The following NCAM2 variants were observed in gnomAD, a reference collection of about 807,000 sequenced individuals.
The protein encoded by NCAM2 is N-CAM-2.
NCAM2 carries 30 observed loss-of-function variants against 98.1 expected under a neutral mutation model. The ratio of observed to expected loss-of-function variants is 0.31; its 90% confidence interval spans 0.23 to 0.41. The LOEUF (loss-of-function observed/expected upper bound fraction) is 0.41. Among genes scored for constraint, NCAM2 ranks in the 10% least tolerant of loss-of-function variants. The pLI is 1.00. For synonymous variants in NCAM2, 368 were observed against 342.4 expected, an observed-to-expected ratio of 1.07 and a Z score of -0.83; for missense variants, 867 against 1,005.8, an observed-to-expected ratio of 0.86 and a Z score of 1.87.
At chr21:20,999,352 T>TAAAAA (rs573704807) in intron 1 of NCAM2, among the ~76,000 whole-genome samples, 29 of 146,192 alleles carry the variant, frequency 2.0e-4, no homozygotes, top group African/African-American at 5.5e-4. Context: ...TTTTATCTCT[T>TAAAAA]AAAAAAAAAA....
intron 9 of NCAM2, among the ~76,000 whole-genome samples, chr21:21,391,644 CAT>C (rs1318080405): frequency 6.6e-6 from 1 of 152,196 alleles, no homozygotes; most frequent in East Asian, 1.9e-4. Flanking sequence ...CCAACACTAA[CAT>C]GTCTTCTCTC....
At chr21:21,432,715 A>C (rs182874545) in intron 12 of NCAM2, among the ~76,000 whole-genome samples, 1 of 152,180 alleles carries the variant, frequency 6.6e-6, no homozygotes, top group Admixed American at 6.5e-5. Context: ...AATTTTATAT[A>C]TTTGTTTACT....
At chr21:21,352,003 G>A (rs2147945552) in intron 8 of NCAM2, among the ~76,000 whole-genome samples, 1 of 152,246 alleles carries the variant, frequency 6.6e-6, no homozygotes, top group Middle Eastern at 3.4e-3. Flanking sequence ...TCCCACCTCA[G>A]CCTCCTCAAA....
intron 9 of NCAM2, among the ~76,000 whole-genome samples, chr21:21,398,173 A>G (rs1184599697): frequency 6.6e-6 from 1 of 152,222 alleles, no homozygotes; most frequent in Non-Finnish European, 1.5e-5. Flanking sequence ...TGGAATGCCA[A>G]ACATCAAATG....
chr21:21,537,949 A>G lies in NCAM2; in HGVS notation c.2506A>G (p.Lys836Glu). 1 of 1,527,088 alleles carries G rather than the reference A, an allele frequency of 6.5e-7. No homozygotes were observed. Among genetic ancestry groups the G allele is most frequent in the Non-Finnish European group, 8.9e-7 (1 of 1,123,624 alleles). The allele number at this position is 1,527,088 out of a possible 1,614,324, so 94.6% of individuals were successfully genotyped here. ...DIIQSKEDDS[K>E]A ...CATTCAATCAAAAGAAGACGACAGC[A>G]AAGCATAACAACAATATTACAGGGG... The change falls in exon 18 of 18, where the codon AAA (lysine) becomes GAA (glutamate). Residue 836 changes from lysine to glutamate, a missense_variant. By Grantham distance (56) the Lys-to-Glu change is moderately conservative (BLOSUM62 1). Transcript: ENST00000400546.
At chr21:21,153,463 T>C (rs2067508117) in intron 1 of NCAM2, among the ~76,000 whole-genome samples, 1 of 151,876 alleles carries the variant, frequency 6.6e-6, no homozygotes, top group Non-Finnish European at 1.5e-5. Context: ...CATAAATATA[T>C]AGAAATGTAT....
intron 11 of NCAM2, among the ~76,000 whole-genome samples, chr21:21,424,083 TAATC>T (rs2077166663): frequency 1.3e-5 from 2 of 152,230 alleles, no homozygotes; most frequent in Non-Finnish European, 2.9e-5. Context: ...TTCTTTAACA[TAATC>T]AGTTTTATGA....
chr21:21,523,315 G>A lies in NCAM2; in HGVS notation c.2283-11222G>A, dbSNP rs530682687. 1.8e-4 allele frequency among the ~76,000 whole-genome samples: 27 copies of A among 151,792 alleles called. No homozygotes were observed. The South Asian group carries it at 5.4e-3, about 30-fold the overall frequency. ...CAACTTTTTCTTCTAGTAGTTTCAC[G>A]GGTTCAGATCTTAGACTTAAGTCTC... On this transcript the variant is annotated intron_variant, in intron 16 of 17. Coordinates refer to ENST00000400546, the MANE Select transcript of NCAM2 (RefSeq NM_004540.5).
chr21:21,324,478 G>C lies in NCAM2; in HGVS notation c.715G>C (p.Glu239Gln), dbSNP rs771571943. Residue 239 changes from glutamate (E) to glutamine (Q), a missense_variant, in exon 6 of 18, where the codon GAA (glutamate) becomes CAA (glutamine). This residue lies in a region of NCAM2 where 447 missense variants were observed against 495.7 expected (regional missense o/e 0.90). Coordinates refer to ENST00000400546, the MANE Select transcript of NCAM2 (RefSeq NM_004540.5). ...TFSCRASGSPEPAISWFRNGK... is the reference protein window; with the variant it reads ...TFSCRASGSPQPAISWFRNGK... ...TTCCTGCAGGGCCTCAGGCTCTCCA[G>C]AACCCGCCATCTCCTGGTTCAGGTA... 8.1e-6 allele frequency: 13 copies of C among 1,612,432 alleles called. No individual in the cohort carries two copies. In the African/African-American group the frequency reaches 1.7e-4, roughly 22 times the overall value.
chr21:21,107,148 T>G (rs1468033941), intron 1 of NCAM2, among the ~76,000 whole-genome samples: 1 of 152,166 alleles, frequency 6.6e-6, no homozygotes, highest in Admixed American at 6.6e-5. Flanking sequence ...ATAATAATAG[T>G]GTGTTACTTA....
At chr21:21,336,813 G>T (rs932187575) in intron 7 of NCAM2, among the ~76,000 whole-genome samples, 1 of 152,166 alleles carries the variant, frequency 6.6e-6, no homozygotes, top group Non-Finnish European at 1.5e-5. Flanking sequence ...GAGATGTTTT[G>T]AGAAAGAAAT....
intron 1 of NCAM2, among the ~76,000 whole-genome samples, chr21:21,175,315 A>T (rs1341240533): frequency 6.6e-6 from 1 of 152,036 alleles, no homozygotes; most frequent in Non-Finnish European, 1.5e-5. Context: ...CAGGAAGATC[A>T]TGAGGACAAG....
chr21:21,409,206 T>C (rs1387518022), intron 9 of NCAM2, among the ~76,000 whole-genome samples: 1 of 152,158 alleles, frequency 6.6e-6, no homozygotes, highest in Non-Finnish European at 1.5e-5. Flanking sequence ...ATTTGGCATT[T>C]GATTTAGATC....
chr21:21,437,868 G>A (rs544001056), intron 12 of NCAM2, among the ~76,000 whole-genome samples: 77 of 151,768 alleles, frequency 5.1e-4, no homozygotes, highest in African/African-American at 1.7e-3. Flanking sequence ...GGCTATCTAG[G>A]AGAAGATATT....
chr21:21,118,116 C>T (rs1403175326), intron 1 of NCAM2, among the ~76,000 whole-genome samples: 1 of 152,120 alleles, frequency 6.6e-6, no homozygotes, highest in Non-Finnish European at 1.5e-5. Flanking sequence ...AAGCACCTAC[C>T]TAGACTCTCA....
chr21:21,351,337 C>G (rs2075334008), intron 8 of NCAM2, among the ~76,000 whole-genome samples: 1 of 151,844 alleles, frequency 6.6e-6, no homozygotes, highest in Non-Finnish European at 1.5e-5. Context: ...AAAAATAAAT[C>G]AACAGCTTAA....
intron 16 of NCAM2, among the ~76,000 whole-genome samples, chr21:21,531,277 T>G (rs1051221640): frequency 7.9e-5 from 12 of 152,184 alleles, no homozygotes; most frequent in Non-Finnish European, 1.6e-4. Flanking sequence ...ATAAATTTTT[T>G]TCAGTGTTGA....
chr21:21,282,213 T>C (rs2147504988), intron 2 of NCAM2, among the ~76,000 whole-genome samples: 1 of 151,970 alleles, frequency 6.6e-6, no homozygotes, highest in South Asian at 2.1e-4. Context: ...AAAGGTAGAA[T>C]AACAAAATAG....
At chr21:21,198,776 G>GA (rs2069102805) in intron 1 of NCAM2, among the ~76,000 whole-genome samples, 1 of 152,128 alleles carries the variant, frequency 6.6e-6, no homozygotes, top group Non-Finnish European at 1.5e-5. Flanking sequence ...TCAACAGCAT[G>GA]AAACTTAGCA....
Sources: allele counts gnomAD v4.1 joint callset (sites outside exome capture counted in the v4.1 genomes callset), GRCh38; gene constraint gnomAD v4.1.1; regional missense constraint gnomAD v4.1.1; transcripts MANE v1.5; gene names NCBI Gene and HGNC (gene_info 2026-07-23, HGNC 2026-07-21).